The following GRAMD4 variants were observed in gnomAD, a reference collection of about 807,000 sequenced individuals.
GRAMD4 encodes the protein GRAM domain-containing protein 4.
GRAMD4 carries 25 observed loss-of-function variants against 83.9 expected under a neutral mutation model. The observed-to-expected ratio is 0.30, with a 90% CI of 0.22 to 0.42. The LOEUF (loss-of-function observed/expected upper bound fraction) is 0.42, where lower values mean the gene tolerates loss of function less well. Among genes scored for constraint, GRAMD4 ranks in the 10% least tolerant of loss-of-function variants. The pLI is 1.00. For missense variants in GRAMD4, 593 were observed against 788.7 expected, an observed-to-expected ratio of 0.75 and a Z score of 2.97; for synonymous variants, 336 against 320.9, an observed-to-expected ratio of 1.05 and a Z score of -0.50.
At chr22:46,651,560 C>T (rs532687789) in intron 3 of GRAMD4, among the ~76,000 whole-genome samples, 1 of 152,228 alleles carries the variant, frequency 6.6e-6, no homozygotes, top group Admixed American at 6.5e-5. Flanking sequence ...CCCTGTGCGG[C>T]GTGTATGGCT....
chr22:46,672,454 C>G lies in GRAMD4; in HGVS notation c.1085-389C>G, dbSNP rs1243367330. Reference sequence around the variant, plus strand: ...CATGGAGGGACCTCAGATTTGGTGTCAGGTGTGGGGAATTGGGGCAGAGGA... The same window carrying G: ...CATGGAGGGACCTCAGATTTGGTGTGAGGTGTGGGGAATTGGGGCAGAGGA... On this transcript the variant is annotated intron_variant, in intron 13 of 18. Coordinates refer to ENST00000406902, the MANE Select transcript of GRAMD4 (RefSeq NM_015124.5). This position sits in a 1 kb window ranked among gnomAD's most constrained non-coding sequence, Gnocchi z 4.7. Among the ~76,000 whole-genome samples, 5 of 151,490 alleles carry G rather than the reference C, an allele frequency of 3.3e-5. No individual in the cohort carries two copies. Among genetic ancestry groups the G allele is most frequent in the Non-Finnish European group, 7.4e-5 (5 of 67,940 alleles).
At chr22:46,642,009 G>A (rs991069021) in intron 3 of GRAMD4, among the ~76,000 whole-genome samples, 1 of 152,206 alleles carries the variant, frequency 6.6e-6, no homozygotes, top group African/African-American at 2.4e-5. Flanking sequence ...GGGCTCTCCT[G>A]GGGTTTTTGG....
chr22:46,615,753 T>C (rs1381809129), upstream of GRAMD4, among the ~76,000 whole-genome samples: 1 of 18,840 alleles, frequency 5.3e-5, no homozygotes, highest in African/African-American at 2.1e-4. Flanking sequence ...CCTGTGCGTG[T>C]AGGTTCCCCC....
At chr22:46,578,540 G>A (rs1339196357) in intron 1 of GRAMD4, among the ~76,000 whole-genome samples, 1 of 152,170 alleles carries the variant, frequency 6.6e-6, no homozygotes, top group South Asian at 2.1e-4. Flanking sequence ...GGTTTAGGAG[G>A]TCAGTCATGG....
At chr22:46,618,233 G>GCCGA (rs1308183121), upstream of GRAMD4, among the ~76,000 whole-genome samples, 1 of 152,162 alleles carries the variant, frequency 6.6e-6, no homozygotes, top group Non-Finnish European at 1.5e-5. This position sits in a 1 kb window ranked among gnomAD's most constrained non-coding sequence, Gnocchi z 5.8. Flanking sequence ...CACCGGCAGA[G>GCCGA]CCGAGCCCCT....
At chr22:46,610,642 C>T (rs1363861427) in intron 1 of GRAMD4, among the ~76,000 whole-genome samples, 4 of 152,214 alleles carry the variant, frequency 2.6e-5, no homozygotes, top group Admixed American at 1.3e-4. Flanking sequence ...AGACAGCTTT[C>T]AGCTTGTGGG....
chr22:46,673,637 G>A (rs372803566), intron 14 of GRAMD4, 33 bp from the exon 15 acceptor site: 13 of 1,599,044 alleles, frequency 8.1e-6, no homozygotes, highest in East Asian at 2.2e-5. Context: ...CGTGGGCAGC[G>A]GGCCTGACCT....
downstream of GRAMD4, chr22:46,682,564 G>A (rs1215061342): frequency 1.6e-5 from 5 of 303,256 alleles, no homozygotes; most frequent in Non-Finnish European, 2.4e-5. Flanking sequence ...CCACTCCTGC[G>A]GTGAACAGTA....
intron 1 of GRAMD4, among the ~76,000 whole-genome samples, chr22:46,579,115 A>G (rs1341799264): frequency 6.6e-6 from 1 of 152,202 alleles, no homozygotes; most frequent in Non-Finnish European, 1.5e-5. Context: ...GAGCACGGGA[A>G]AGTCTCCAAG....
At chr22:46,590,845 G>A (rs1355105123) in intron 1 of GRAMD4, among the ~76,000 whole-genome samples, 1 of 152,200 alleles carries the variant, frequency 6.6e-6, no homozygotes, top group Non-Finnish European at 1.5e-5. Flanking sequence ...TGGATTGTCT[G>A]TGGTCGGGAG....
chr22:46,663,390 T>C (rs1431422789), intron 6 of GRAMD4, among the ~76,000 whole-genome samples: 1 of 152,216 alleles, frequency 6.6e-6, no homozygotes, highest in Non-Finnish European at 1.5e-5. Context: ...ATGCGCGCAC[T>C]GCTCTCAGCT....
intron 13 of GRAMD4, among the ~76,000 whole-genome samples, chr22:46,670,040 A>G (rs985638199): frequency 1.3e-5 from 2 of 152,224 alleles, no homozygotes; most frequent in Non-Finnish European, 2.9e-5. Context: ...GAGCCCACGC[A>G]GGACAGCGTG....
At chr22:46,668,404 CTG>C (rs2082444036) in intron 11 of GRAMD4, among the ~76,000 whole-genome samples, 1 of 152,192 alleles carries the variant, frequency 6.6e-6, no homozygotes, top group Non-Finnish European at 1.5e-5. Context: ...GATTCAGCCT[CTG>C]CGGACGGTGC....
rs2081583998 is a variant in GRAMD4 at position 46,622,082 on chromosome 22, C to T, written c.-50+1517C>T. Among the ~76,000 whole-genome samples the T allele has an allele frequency of 6.6e-6, 1 of 152,150 alleles. No individual in the cohort carries two copies. Among genetic ancestry groups the T allele is most frequent in the South Asian group, 2.1e-4 (1 of 4,822 alleles). ...GAGGAGTAGCTGGACACTGGCGGGG[C>T]ACGCATTGCATTCTGATGGTGACAG... On this transcript the variant is annotated intron_variant, in intron 1 of 18. Coordinates refer to ENST00000406902, the MANE Select transcript of GRAMD4 (RefSeq NM_015124.5). This position sits in a 1 kb window ranked among gnomAD's most constrained non-coding sequence, Gnocchi z 4.0.
chr22:46,640,829 G>GC (rs1721399280), intron 3 of GRAMD4, among the ~76,000 whole-genome samples: 1 of 3,144 alleles, frequency 3.2e-4, no homozygotes, highest in Non-Finnish European at 7.6e-4. Context: ...CCGGCCCCCC[G>GC]CCCCCCGCCG....
At chr22:46,592,870 A>G (rs139377031) in intron 1 of GRAMD4, among the ~76,000 whole-genome samples, 43 of 152,310 alleles carry the variant, frequency 2.8e-4, no homozygotes, top group African/African-American at 9.6e-4. Flanking sequence ...TTGGCAATAA[A>G]AAGAGCCTAT....
In GRAMD4 at chr22:46,678,638, T is replaced by A. The variant is rs1396801474; in HGVS notation, c.*1387T>A. The stretch of plus-strand genomic sequence containing the variant: ...TTGGGTGTCGTTGAGATTGTTGTTT[T>A]TTGAAGAAACAGAAGATTCTATTTT... On this transcript the variant is annotated 3_prime_UTR_variant, in exon 19 of 19. Coordinates refer to ENST00000406902, the MANE Select transcript of GRAMD4 (RefSeq NM_015124.5). The A allele has an allele frequency of 6.1e-6, 6 of 985,430 alleles. No homozygotes were observed. Among genetic ancestry groups the A allele is most frequent in the African/African-American group, 1.7e-5 (1 of 57,244 alleles). The allele number at this position is 985,430 out of a possible 1,614,324, so 61.0% of individuals were successfully genotyped here.
At position 46,627,648 on chromosome 22, in the gene GRAMD4, C is replaced by T. The variant is rs1330231190; in HGVS notation, c.162+687C>T. ...ATGGCCTCTAGCTCCTCCCCGCATG[C>T]ACACACCAAATTTGGTGTCTGGCTG... is the stretch of plus-strand genomic sequence containing the variant. On this transcript the variant is annotated intron_variant, in intron 2 of 18. Coordinates refer to ENST00000406902, the MANE Select transcript of GRAMD4 (RefSeq NM_015124.5). 3.3e-5 allele frequency among the ~76,000 whole-genome samples: 5 copies of T among 152,226 alleles called. No individual in the cohort carries two copies. The East Asian group carries it at 7.7e-4, about 23-fold the overall frequency.
chr22:46,614,982 CAT>C (rs2081460394), intron 1 of GRAMD4, among the ~76,000 whole-genome samples: 3 of 91,708 alleles, frequency 3.3e-5, no homozygotes, highest in Admixed American at 1.2e-4. Flanking sequence ...TTCCCTTGTG[CAT>C]GTAGGTTCCC....
Sources: allele counts gnomAD v4.1 joint callset (sites outside exome capture counted in the v4.1 genomes callset), GRCh38; gene constraint gnomAD v4.1.1; non-coding constraint Gnocchi (gnomAD v3.1); transcripts MANE v1.5; gene names NCBI Gene and HGNC (gene_info 2026-07-23, HGNC 2026-07-21).